ABCC8: variants seen among roughly 807,000 people sequenced by gnomAD.
ABCC8 encodes the protein ATP binding cassette subfamily C member 8, also known as ATP-binding cassette sub-family C member 8.
ABCC8 carries 137 observed loss-of-function variants against 188.0 expected under a neutral mutation model. The observed-to-expected ratio is 0.73, with a 90% CI of 0.63 to 0.84. The LOEUF (loss-of-function observed/expected upper bound fraction) is 0.84. Among genes scored for constraint, ABCC8 ranks in the 40% least tolerant of loss-of-function variants. The probability of loss-of-function intolerance (pLI) is 0.00; values close to 1 mark genes in which losing one functional copy is unlikely to be tolerated. For missense variants in ABCC8, 1,750 were observed against 2,072.7 expected (o/e 0.84, Z 3.02); for synonymous variants, 797 against 846.5 (o/e 0.94, Z 1.01).
chr11:17,472,948 G>A (rs1396429517), intron 2 of ABCC8, among the ~76,000 whole-genome samples: 1 of 152,126 alleles, frequency 6.6e-6, no homozygotes. Flanking sequence ...GCCACACTGG[G>A]AACAGCCAAC....
chr11:17,453,385 AG>A (rs1956883882), intron 6 of ABCC8, 102 bp from the exon 7 acceptor site: 2 of 1,512,610 alleles, frequency 1.3e-6, no homozygotes, highest in Non-Finnish European at 1.8e-6. Flanking sequence ...CATTATTACA[AG>A]ACCCTCTGGG....
intron 29 of ABCC8, among the ~76,000 whole-genome samples, chr11:17,401,932 A>G (rs1299042907): frequency 1.3e-5 from 2 of 152,188 alleles, no homozygotes; most frequent in Non-Finnish European, 2.9e-5. Context: ...CACCTCTGGT[A>G]CAAAAACCTT....
chr11:17,410,600 G>A lies in ABCC8; in HGVS notation c.2610C>T (p.Ala870=), dbSNP rs111967655. 560 of 1,614,122 alleles carry A rather than the reference G, an allele frequency of 3.5e-4. 2 individuals are homozygous for A. Among genetic ancestry groups the A allele is most frequent in the African/African-American group, 3.4e-3 (252 of 75,014 alleles). ...DIHLSDHLMQ[A]GILELLRDDK... is the part of the protein sequence containing the mutation. ...CGTCCCGGAGCAGCTCAAGGATGCC[G>A]GCCTGCATTAAGTGGTCACTCAGAT... The change falls in exon 22 of 39, where the codon GCC becomes GCT. Residue 870 remains alanine, a synonymous_variant. Coordinates refer to ENST00000389817, the MANE Select transcript of ABCC8 (RefSeq NM_000352.6).
chr11:17,450,294 CT>C (rs1956730681), intron 7 of ABCC8, among the ~76,000 whole-genome samples: 1 of 134,688 alleles, frequency 7.4e-6, no homozygotes. Context: ...TTCTTTCTTT[CT>C]TTCTTTCTTT....
At chr11:17,448,956 T>C (rs1956651129) in intron 7 of ABCC8, among the ~76,000 whole-genome samples, 1 of 152,228 alleles carries the variant, frequency 6.6e-6, no homozygotes, top group Non-Finnish European at 1.5e-5. Flanking sequence ...AGACAGAGTC[T>C]CGCTCTGCTT....
chr11:17,435,337 C>T (rs1319964043), intron 10 of ABCC8, among the ~76,000 whole-genome samples: 1 of 152,154 alleles, frequency 6.6e-6, no homozygotes, highest in Non-Finnish European at 1.5e-5. Context: ...GCATTGTTTC[C>T]ACTGTCTCAG....
chr11:17,394,182 A>G (rs953966806), intron 37 of ABCC8, 84 bp downstream of exon 37: 61 of 1,532,016 alleles, frequency 4.0e-5, no homozygotes, highest in Non-Finnish European at 5.1e-5. Flanking sequence ...CTTGAGCCTC[A>G]GGACTACTTC....
At chr11:17,441,246 A>G (rs540770273) in intron 10 of ABCC8, among the ~76,000 whole-genome samples, 1 of 152,206 alleles carries the variant, frequency 6.6e-6, no homozygotes, top group African/African-American at 2.4e-5. Flanking sequence ...AGAGGCCCCC[A>G]GCTCTTTGTG....
At chr11:17,401,414 C>G (rs1390067996) in intron 29 of ABCC8, among the ~76,000 whole-genome samples, 1 of 152,188 alleles carries the variant, frequency 6.6e-6, no homozygotes, top group Non-Finnish European at 1.5e-5. Flanking sequence ...TTTACTTAGA[C>G]AAGATCCCTA....
In ABCC8 at chr11:17,427,838, G is replaced by T. The variant is rs368528855; in HGVS notation, c.2116+29C>A. ...GTTATTCAGTGGGACATGGGGAGGG[G>T]CATGCTGGAGGGGTGGACTGGGCCA... On this transcript the variant is annotated intron_variant, in intron 15 of 38. Coordinates refer to ENST00000389817, the MANE Select transcript of ABCC8 (RefSeq NM_000352.6). This position sits in a 1 kb window ranked among gnomAD's most constrained non-coding sequence, Gnocchi z 5.0. 1.2e-6 allele frequency: 2 copies of T among 1,612,560 alleles called. No homozygotes were observed. Among genetic ancestry groups the T allele is most frequent in the Non-Finnish European group, 1.7e-6 (2 of 1,179,338 alleles).
intron 30 of ABCC8, 22 bp from the exon 31 acceptor site, chr11:17,397,819 C>A (rs376651364): frequency 2.5e-4 from 396 of 1,612,704 alleles, no homozygotes; most frequent in Non-Finnish European, 2.9e-4. Context: ...GAGGAGCTGA[C>A]CTGGGCGCTC....
chr11:17,453,968 A>T (rs2133645240), intron 6 of ABCC8, among the ~76,000 whole-genome samples: 1 of 152,320 alleles, frequency 6.6e-6, no homozygotes, highest in Non-Finnish European at 1.5e-5. Context: ...ACCAGGGATC[A>T]ACAGTGTGTC....
chr11:17,467,602 C>T (rs1848243706), intron 3 of ABCC8, among the ~76,000 whole-genome samples: 1 of 152,232 alleles, frequency 6.6e-6, no homozygotes, highest in African/African-American at 2.4e-5. Flanking sequence ...GAGAACATTT[C>T]CTTGGCCTCA....
chr11:17,406,921 C>G lies in ABCC8; in HGVS notation c.3129G>C (p.Leu1043=), dbSNP rs1591744434. Residue 1043 remains leucine, a synonymous_variant, in exon 25 of 39, where the codon CTG becomes CTC. Coordinates refer to ENST00000389817, the MANE Select transcript of ABCC8 (RefSeq NM_000352.6). ...LAKWTDSALT[L]TPAARNCSLS... is the part of the protein sequence containing the mutation. The stretch of plus-strand genomic sequence containing the variant: ...GGGAGCAGTTCCTGGCTGCAGGGGT[C>G]AGGGTCAGGGCGCTGTCGGTCCACT... 1 of 1,614,038 alleles carries G rather than the reference C, an allele frequency of 6.2e-7. No individual in the cohort carries two copies.
intron 4 of ABCC8, 184 bp from the exon 5 acceptor site, chr11:17,462,009 G>T: frequency 1.5e-6 from 1 of 670,008 alleles, no homozygotes; most frequent in Non-Finnish European, 1.8e-6. Context: ...CAATGTCAGG[G>T]CATCCTGACT....
intron 29 of ABCC8, among the ~76,000 whole-genome samples, chr11:17,399,370 T>C (rs1487936066): frequency 1.4e-5 from 2 of 146,738 alleles, no homozygotes; most frequent in Non-Finnish European, 3.0e-5. Context: ...CCTGCCAACC[T>C]AATTCCTGCC....
chr11:17,451,129 G>A (rs969145119), intron 7 of ABCC8, among the ~76,000 whole-genome samples: 5 of 152,208 alleles, frequency 3.3e-5, no homozygotes, highest in Admixed American at 2.6e-4. Context: ...TGGCTCTTTT[G>A]GCATAATTGG....
At chr11:17,413,079 C>A in intron 20 of ABCC8, 1 of 598,800 alleles carries the variant, frequency 1.7e-6, no homozygotes, top group Non-Finnish European at 2.9e-6. Flanking sequence ...GGAGGGGACC[C>A]CATCTGGAGG....
intron 7 of ABCC8, 35 bp downstream of exon 7, chr11:17,453,084 C>A: frequency 6.4e-7 from 1 of 1,555,798 alleles, no homozygotes; most frequent in Non-Finnish European, 8.9e-7. Context: ...AATAATGGTT[C>A]TTATGGCAAA....
Sources: allele counts gnomAD v4.1 joint callset (sites outside exome capture counted in the v4.1 genomes callset), GRCh38; gene constraint gnomAD v4.1.1; non-coding constraint Gnocchi (gnomAD v3.1); transcripts MANE v1.5; gene names NCBI Gene and HGNC (gene_info 2026-07-23, HGNC 2026-07-21).